The following MRTFB variants were observed in gnomAD, a reference collection of about 807,000 sequenced individuals.
MRTFB encodes myocardin-related transcription factor B.
MRTFB carries 29 observed loss-of-function variants against 104.2 expected under a neutral mutation model. That is an observed-to-expected ratio of 0.28 (90% CI 0.21 to 0.38). The LOEUF is 0.38. MRTFB is among the 10% of genes least tolerant of loss of function. MRTFB has a pLI of 1.00. For synonymous variants in MRTFB, 535 were observed against 519.5 expected (o/e 1.03, Z -0.41); for missense variants, 1,270 against 1,341.6 (o/e 0.95, Z 0.83).
chr16:14,054,710 C>A, the MRTFB span, among the ~76,000 whole-genome samples: 1 of 152,174 alleles, frequency 6.6e-6, no homozygotes, highest in Admixed American at 6.5e-5. Context: ...TGTAGGTTCA[C>A]CTTTATATCC....
At chr16:14,227,910 A>C (rs920340386) in intron 8 of MRTFB, among the ~76,000 whole-genome samples, 4 of 151,948 alleles carry the variant, frequency 2.6e-5, no homozygotes, top group African/African-American at 9.7e-5. Context: ...CTGTTCAAAA[A>C]TGGGCAAAGG....
At chr16:14,211,136 A>AT (rs1282172365) in intron 4 of MRTFB, among the ~76,000 whole-genome samples, 1 of 152,116 alleles carries the variant, frequency 6.6e-6, no homozygotes, top group South Asian at 2.1e-4. Flanking sequence ...ATATGGAATG[A>AT]TTTTTCTCTT....
At chr16:14,225,571 C>A (rs1253049047) in intron 8 of MRTFB, among the ~76,000 whole-genome samples, 1 of 152,136 alleles carries the variant, frequency 6.6e-6, no homozygotes, top group African/African-American at 2.4e-5. Flanking sequence ...GCTGACAAAC[C>A]CAGTTTCTCA....
At chr16:14,094,236 T>G (rs1300007404) in intron 2 of MRTFB, among the ~76,000 whole-genome samples, 3 of 152,184 alleles carry the variant, frequency 2.0e-5, no homozygotes, top group Admixed American at 2.0e-4. Flanking sequence ...TAATTTCCAG[T>G]TTTTTTAATG....
the MRTFB span, among the ~76,000 whole-genome samples, chr16:14,053,240 A>T: frequency 6.6e-6 from 1 of 151,518 alleles, no homozygotes; most frequent in Non-Finnish European, 1.5e-5. Flanking sequence ...GTGTGTGTGT[A>T]TGTGTGTGTG....
intron 16 of MRTFB, 76 bp from the exon 17 acceptor site, chr16:14,260,833 C>A: frequency 8.2e-7 from 1 of 1,221,360 alleles, no homozygotes; most frequent in African/African-American, 1.5e-5. Flanking sequence ...AGCAATGTAA[C>A]TGTCCTAGTA....
chr16:14,027,005 A>G, the MRTFB span, among the ~76,000 whole-genome samples: 1 of 152,362 alleles, frequency 6.6e-6, no homozygotes, highest in South Asian at 2.1e-4. Flanking sequence ...AGTTTCTTAC[A>G]CAGTTAAACA....
rs538298494 is a variant in MRTFB at position 14,254,077 on chromosome 16, T to G, written c.2703+1575T>G. Among the ~76,000 whole-genome samples, 3 of 152,330 alleles carry G rather than the reference T, an allele frequency of 2.0e-5. No homozygotes were observed. In the East Asian group the frequency reaches 5.8e-4, roughly 29 times the overall value. ...TCCACTGTAACCTAAGACAGCTGAT[T>G]GGAATCTCTGGTATTTACATGTCTC... On this transcript the variant is annotated intron_variant, in intron 15 of 16. Transcript: ENST00000571589.
the MRTFB span, among the ~76,000 whole-genome samples, chr16:14,046,902 T>C: frequency 6.6e-6 from 1 of 152,242 alleles, no homozygotes; most frequent in Admixed American, 6.5e-5. Flanking sequence ...ATATAATACA[T>C]ATTGACTCAT....
chr16:14,095,898 CT>C (rs57652312), intron 2 of MRTFB, among the ~76,000 whole-genome samples: 4,029 of 152,130 alleles, frequency 0.026, 189 homozygotes, highest in African/African-American at 0.092. Context: ...TACAACAGTG[CT>C]TACAAGTAGT....
At chr16:14,146,464 T>C (rs1468958847) in intron 3 of MRTFB, among the ~76,000 whole-genome samples, 1 of 152,240 alleles carries the variant, frequency 6.6e-6, no homozygotes, top group Non-Finnish European at 1.5e-5. Flanking sequence ...AGAATAACTT[T>C]AGATAATCTC....
upstream of MRTFB, among the ~76,000 whole-genome samples, chr16:14,070,471 C>T (rs1384584310): frequency 6.6e-6 from 1 of 152,212 alleles, no homozygotes. Flanking sequence ...CCATCATGCT[C>T]TCTACCAGCA....
At chr16:14,129,965 A>C (rs1175056160) in intron 2 of MRTFB, among the ~76,000 whole-genome samples, 2 of 152,126 alleles carry the variant, frequency 1.3e-5, no homozygotes, top group African/African-American at 4.8e-5. Flanking sequence ...AGTAGCTGGG[A>C]ACACAGGCTC....
chr16:14,112,591 C>G (rs1259502287), intron 2 of MRTFB, among the ~76,000 whole-genome samples: 1 of 152,230 alleles, frequency 6.6e-6, no homozygotes, highest in African/African-American at 2.4e-5. Flanking sequence ...CTTATTCCAC[C>G]ACAGTCTGTT....
In MRTFB at chr16:14,126,322, C is replaced by A. The variant is rs112489590; in HGVS notation, c.-63-14222C>A. 9.6e-3 allele frequency among the ~76,000 whole-genome samples: 1,465 copies of A among 152,204 alleles called. 26 individuals are homozygous for A. Among genetic ancestry groups the A allele is most frequent in the African/African-American group, 0.034 (1,395 of 41,516 alleles). On this transcript the variant is annotated intron_variant, in intron 2 of 16. Coordinates refer to ENST00000571589, the MANE Select transcript of MRTFB (RefSeq NM_001308142.2). Reference sequence around the variant, plus strand: ...CAATGCAAAATATAAATATTAATTTCAACCTCTGTTACTTTAAGAGCTAAC... The same window carrying A: ...CAATGCAAAATATAAATATTAATTTAAACCTCTGTTACTTTAAGAGCTAAC...
intron 3 of MRTFB, among the ~76,000 whole-genome samples, chr16:14,176,428 C>A (rs999936476): frequency 6.6e-6 from 1 of 152,170 alleles, no homozygotes; most frequent in Non-Finnish European, 1.5e-5. Context: ...TAGACACATC[C>A]AGCCTTTCTC....
At chr16:14,033,240 A>C in the MRTFB span, among the ~76,000 whole-genome samples, 1 of 151,980 alleles carries the variant, frequency 6.6e-6, no homozygotes, top group South Asian at 2.1e-4. Flanking sequence ...TCTCTACAAA[A>C]ATTTAAAATT....
At position 14,246,882 on chromosome 16, in the gene MRTFB, C is replaced by T. The variant is rs764592215; in HGVS notation, c.1622C>T (p.Ser541Leu). 1 of 1,613,616 alleles carries T rather than the reference C, an allele frequency of 6.2e-7. No homozygotes were observed. Among genetic ancestry groups the T allele is most frequent in the Non-Finnish European group, 8.5e-7 (1 of 1,180,032 alleles). The change falls in exon 12 of 17, where the codon TCA becomes TTA. Residue 541 changes from serine (S) to leucine (L), a missense_variant. Physicochemically the swap from Ser to Leu is moderately radical, Grantham distance 145 (BLOSUM62 -2). This residue lies in a region of MRTFB where 1,144 missense variants were observed against 1,131.5 expected (regional missense o/e 1.01). Transcript: ENST00000571589. ...ATGTCGCCTTCACAGTTCTTGAGTT[C>T]ATCTCCTTTGAGAATGACAAATAAT... is the stretch of plus-strand genomic sequence containing the variant. ...TMMSPSQFLSSSPLRMTNNED... is the reference protein window; with the variant it reads ...TMMSPSQFLSLSPLRMTNNED...
intron 14 of MRTFB, 140 bp downstream of exon 14, chr16:14,252,163 A>AG (rs2043282680): frequency 8.1e-7 from 1 of 1,230,582 alleles, no homozygotes. Context: ...GTGAAGGAGG[A>AG]GCTCAGCTAT....
Sources: allele counts gnomAD v4.1 joint callset (sites outside exome capture counted in the v4.1 genomes callset), GRCh38; gene constraint gnomAD v4.1.1; regional missense constraint gnomAD v4.1.1; transcripts MANE v1.5; gene names NCBI Gene and HGNC (gene_info 2026-07-23, HGNC 2026-07-21).